CSMD3: variants seen among roughly 807,000 people sequenced by gnomAD.
The protein encoded by CSMD3 is CUB and sushi domain-containing protein 3.
CSMD3 carries 177 observed loss-of-function variants against 435.2 expected under a neutral mutation model. That is an observed-to-expected ratio of 0.41 (90% CI 0.36 to 0.46). The LOEUF is 0.46. Ranked by LOEUF, CSMD3 falls within the 20% of genes least tolerant of loss-of-function variation. CSMD3 has a pLI of 0.34. For missense variants in CSMD3, 4,265 were observed against 4,504.6 expected, an observed-to-expected ratio of 0.95 and a Z score of 1.52; for synonymous variants, 1,656 against 1,520.5, an observed-to-expected ratio of 1.09 and a Z score of -2.07.
intron 5 of CSMD3, among the ~76,000 whole-genome samples, chr8:113,036,472 C>T (rs897515965): frequency 3.3e-5 from 5 of 151,926 alleles, no homozygotes; most frequent in Admixed American, 2.6e-4. Flanking sequence ...CTTCAATTAC[C>T]TATTCAAGAG....
At chr8:112,281,947 T>C (rs1469751427) in intron 58 of CSMD3, among the ~76,000 whole-genome samples, 1 of 152,106 alleles carries the variant, frequency 6.6e-6, no homozygotes, top group Non-Finnish European at 1.5e-5. Context: ...TTCAATATAT[T>C]CTAAATAAAA....
At chr8:112,682,767 T>C (rs2131788681) in intron 15 of CSMD3, 131 bp from the exon 16 acceptor site, 2 of 712,054 alleles carry the variant, frequency 2.8e-6, no homozygotes, top group Non-Finnish European at 4.8e-6. Flanking sequence ...TACACAAGTT[T>C]TTATTTATTT....
intron 12 of CSMD3, among the ~76,000 whole-genome samples, chr8:112,820,826 G>C (rs231285): frequency 0.81 from 123,361 of 151,922 alleles, 50,308 homozygotes; most frequent in African/African-American, 0.88. Flanking sequence ...CACCACCACC[G>C]CCAACCAGTT....
At chr8:113,156,707 C>T (rs1403814946) in intron 4 of CSMD3, among the ~76,000 whole-genome samples, 1 of 150,154 alleles carries the variant, frequency 6.7e-6, no homozygotes, top group Non-Finnish European at 1.5e-5. Context: ...TGGAGACCAG[C>T]TTGGGAAACA....
chr8:112,330,210 T>C (rs565434968), intron 45 of CSMD3, among the ~76,000 whole-genome samples: 10 of 152,244 alleles, frequency 6.6e-5, no homozygotes, highest in Non-Finnish European at 1.3e-4. Context: ...CAGCATTTAT[T>C]GTAAAAGTAG....
chr8:113,377,122 C>T (rs1312173898), intron 1 of CSMD3: 1 of 1,259,298 alleles, frequency 7.9e-7, no homozygotes, highest in Non-Finnish European at 1.0e-6. Flanking sequence ...CGTCGTCCGG[C>T]TCTCCGGTCC....
intron 38 of CSMD3, among the ~76,000 whole-genome samples, chr8:112,370,073 AAGAAGAAGAAGT>A (rs1828224316): frequency 4.3e-5 from 6 of 139,792 alleles, no homozygotes; most frequent in South Asian, 2.4e-4. Context: ...GAAGAAGAAG[AAGAAGAAGAAGT>A]AGTAGTAGTA....
intron 18 of CSMD3, among the ~76,000 whole-genome samples, chr8:112,654,088 TC>T (rs1249486505): frequency 6.6e-6 from 1 of 152,172 alleles, no homozygotes; most frequent in Non-Finnish European, 1.5e-5. Flanking sequence ...TTGCAAGCAT[TC>T]CTTCCTATAG....
At chr8:112,534,532 A>T (rs1825865204) in intron 27 of CSMD3, among the ~76,000 whole-genome samples, 1 of 152,186 alleles carries the variant, frequency 6.6e-6, no homozygotes, top group African/African-American at 2.4e-5. Context: ...ATTGTGGCAA[A>T]AATCAATAGC....
chr8:113,265,921 T>C (rs2093466861), intron 3 of CSMD3, among the ~76,000 whole-genome samples: 1 of 151,604 alleles, frequency 6.6e-6, no homozygotes, highest in Non-Finnish European at 1.5e-5. Flanking sequence ...ATTCTGTTTT[T>C]TGAAATATAG....
At chr8:113,242,723 A>G (rs2093232533) in intron 3 of CSMD3, among the ~76,000 whole-genome samples, 1 of 152,072 alleles carries the variant, frequency 6.6e-6, no homozygotes, top group Admixed American at 6.6e-5. Context: ...TGAAATGTTA[A>G]CATGTATATG....
At chr8:113,009,678 T>C (rs1027604904) in intron 6 of CSMD3, among the ~76,000 whole-genome samples, 1 of 151,874 alleles carries the variant, frequency 6.6e-6, no homozygotes, top group African/African-American at 2.4e-5. Flanking sequence ...TATTATCCAA[T>C]GAAATAAGGT....
At position 112,529,439 on chromosome 8, in the gene CSMD3, T is replaced by C. The variant is rs528876607; in HGVS notation, c.4565-12214A>G. Among the ~76,000 whole-genome samples, 6 of 152,132 alleles carry C rather than the reference T, an allele frequency of 3.9e-5. No homozygotes were observed. In the South Asian group the frequency reaches 1.2e-3, roughly 32 times the overall value. ...CACAACCCTACAAAAAGTACAAAAA[T>C]TAGCCAGCAGAGTGGTGCATGTCTG... On this transcript the variant is annotated intron_variant, in intron 27 of 70. Coordinates refer to ENST00000297405, the MANE Select transcript of CSMD3 (RefSeq NM_198123.2).
intron 5 of CSMD3, among the ~76,000 whole-genome samples, chr8:113,034,447 T>C (rs2087253898): frequency 6.6e-6 from 1 of 151,768 alleles, no homozygotes; most frequent in South Asian, 2.1e-4. Flanking sequence ...CATTATATGA[T>C]TCTATTTATA....
intron 22 of CSMD3, among the ~76,000 whole-genome samples, chr8:112,606,535 T>C (rs1229715942): frequency 1.3e-5 from 2 of 152,138 alleles, no homozygotes; most frequent in African/African-American, 2.4e-5. Flanking sequence ...AACTACCCTA[T>C]AGACCAAATA....
chr8:113,406,173 G>T (rs1015205613), intron 1 of CSMD3, among the ~76,000 whole-genome samples: 3 of 151,754 alleles, frequency 2.0e-5, no homozygotes, highest in Non-Finnish European at 3.0e-5. Context: ...TATTAATTCT[G>T]GTTTGCAAAT....
chr8:113,228,729 A>G (rs1023577457), intron 3 of CSMD3, among the ~76,000 whole-genome samples: 2 of 151,400 alleles, frequency 1.3e-5, no homozygotes, highest in Non-Finnish European at 3.0e-5. Flanking sequence ...GTGTGAAAAT[A>G]TGAAAGGAAC....
At chr8:112,383,801 A>G in intron 36 of CSMD3, 138 bp from the exon 37 acceptor site, 1 of 684,782 alleles carries the variant, frequency 1.5e-6, no homozygotes, top group Non-Finnish European at 2.6e-6. Flanking sequence ...GGTTTTTAAC[A>G]GAACTGATTT....
At chr8:113,390,854 T>C (rs1563774494) in intron 1 of CSMD3, among the ~76,000 whole-genome samples, 1 of 152,000 alleles carries the variant, frequency 6.6e-6, no homozygotes, top group African/African-American at 2.4e-5. Context: ...GGAAAGTATC[T>C]GGAACCTATT....
Sources: allele counts gnomAD v4.1 joint callset (sites outside exome capture counted in the v4.1 genomes callset), GRCh38; gene constraint gnomAD v4.1.1; transcripts MANE v1.5; gene names NCBI Gene and HGNC (gene_info 2026-07-23, HGNC 2026-07-21).